The following ANO2 variants were observed in gnomAD, a reference collection of about 807,000 sequenced individuals.
ANO2 encodes anoctamin 2, also known as anoctamin-2.
ANO2 carries 101 observed loss-of-function variants against 124.2 expected under a neutral mutation model. That is an observed-to-expected ratio of 0.81 (90% CI 0.69 to 0.96). The LOEUF (loss-of-function observed/expected upper bound fraction) is 0.96. Ranked by LOEUF, ANO2 falls within the 40% of genes least tolerant of loss-of-function variation. ANO2 has a pLI of 0.00. For missense variants in ANO2, 1,293 were observed against 1,274.5 expected, an observed-to-expected ratio of 1.01 and a Z score of -0.22; for synonymous variants, 486 against 482.5, an observed-to-expected ratio of 1.01 and a Z score of -0.09.
At chr12:5,816,282 C>A (rs1164715982) in intron 7 of ANO2, among the ~76,000 whole-genome samples, 1 of 151,682 alleles carries the variant, frequency 6.6e-6, no homozygotes, top group African/African-American at 2.4e-5. Context: ...TGGCTCAGGC[C>A]TCCATATTAT....
chr12:5,838,007 G>A (rs564431074), intron 4 of ANO2, among the ~76,000 whole-genome samples: 98 of 152,080 alleles, frequency 6.4e-4, no homozygotes, highest in African/African-American at 2.3e-3. Context: ...TCAAATAGAC[G>A]CAATAAAAAA....
chr12:5,809,041 G>C (rs960669419), intron 7 of ANO2, among the ~76,000 whole-genome samples: 2 of 152,216 alleles, frequency 1.3e-5, no homozygotes, highest in Admixed American at 6.5e-5. Flanking sequence ...CAAAGGGCCA[G>C]TCCTTTCCTG....
chr12:5,599,465 C>A lies in ANO2; in HGVS notation c.2233+19G>T. ...GTCTGAACCTGCCCCCAGTGGAAGG[C>A]AGGACCATGGGTTCTCACTCATTTC... On this transcript the variant is annotated intron_variant, in intron 20 of 24. Transcript: ENST00000682330. 6.3e-7 allele frequency: 1 copy of A among 1,590,364 alleles called. No individual in the cohort carries two copies.
At chr12:5,727,458 G>A (rs1281368253) in intron 14 of ANO2, among the ~76,000 whole-genome samples, 1 of 149,982 alleles carries the variant, frequency 6.7e-6, no homozygotes, top group Admixed American at 6.7e-5. Context: ...GGTATTTATA[G>A]CAATGCAAGA....
intron 3 of ANO2, among the ~76,000 whole-genome samples, chr12:5,854,413 A>T (rs1955029738): frequency 4.6e-5 from 7 of 151,658 alleles, no homozygotes; most frequent in Admixed American, 4.6e-4. Context: ...AAAAAAAAAA[A>T]AAAAAAACAA....
chr12:5,646,321 G>T (rs1015024517), intron 15 of ANO2, among the ~76,000 whole-genome samples: 3 of 152,070 alleles, frequency 2.0e-5, no homozygotes, highest in African/African-American at 7.2e-5. Context: ...AGCCCTTCGA[G>T]GCTTTGAGAA....
chr12:5,872,873 G>C (rs1157384628), intron 3 of ANO2, among the ~76,000 whole-genome samples: 1 of 152,096 alleles, frequency 6.6e-6, no homozygotes, highest in Non-Finnish European at 1.5e-5. Context: ...CTGGTCCACA[G>C]AAAGGAAAAA....
intron 10 of ANO2, among the ~76,000 whole-genome samples, chr12:5,776,869 G>A (rs1241865012): frequency 6.6e-6 from 1 of 152,136 alleles, no homozygotes; most frequent in Non-Finnish European, 1.5e-5. Context: ...GACTCTGGAG[G>A]TGTATGGGGG....
chr12:5,839,485 A>G (rs1954439730), intron 4 of ANO2: 1 of 431,032 alleles, frequency 2.3e-6, no homozygotes, highest in African/African-American at 2.0e-5. Flanking sequence ...AACAAATTAT[A>G]AAAGAGAGAA....
rs113601843 is a variant in ANO2 at position 5,895,402 on chromosome 12, G to T, written c.534+25638C>A. On this transcript the variant is annotated intron_variant, in intron 3 of 24. Coordinates refer to ENST00000682330, the MANE Select transcript of ANO2 (RefSeq NM_001364791.2). ...AAGGAGATTTGGGGCTGAAACGATGGGGTTTTCTAAATATACAATCATGTC... is the reference window on the plus strand; with the variant it reads ...AAGGAGATTTGGGGCTGAAACGATGTGGTTTTCTAAATATACAATCATGTC... Among the ~76,000 whole-genome samples the T allele has an allele frequency of 8.8e-4, 134 of 152,118 alleles. 1 individual carries two copies. The highest frequency in any genetic ancestry group is 3.1e-3 in the African/African-American group (130 of 41,494).
At chr12:5,812,770 G>C (rs1408415633) in intron 7 of ANO2, among the ~76,000 whole-genome samples, 4 of 94,074 alleles carry the variant, frequency 4.3e-5, no homozygotes, top group Non-Finnish European at 6.9e-5. Flanking sequence ...GGGAAGGCAG[G>C]CAAGTGAAAG....
intron 23 of ANO2, among the ~76,000 whole-genome samples, chr12:5,571,929 G>A (rs1389961852): frequency 6.6e-6 from 1 of 152,096 alleles, no homozygotes; most frequent in Non-Finnish European, 1.5e-5. Flanking sequence ...GCAGCCCCCA[G>A]AGCACACCTA....
At chr12:5,922,589 T>TCCCCCCCC (rs113271594) in intron 2 of ANO2, 31 bp downstream of exon 2, 1 of 1,426,384 alleles carries the variant, frequency 7.0e-7, no homozygotes, top group African/African-American at 1.5e-5. Context: ...GGCTGGCCTA[T>TCCCCCCCC]CCCCCCACCC....
At chr12:5,831,641 C>G (rs1954157310) in intron 5 of ANO2, among the ~76,000 whole-genome samples, 1 of 152,158 alleles carries the variant, frequency 6.6e-6, no homozygotes, top group Non-Finnish European at 1.5e-5. Context: ...AATGAAACAG[C>G]ATATTCATGT....
intron 14 of ANO2, among the ~76,000 whole-genome samples, chr12:5,720,442 G>A (rs1461060219): frequency 5.3e-5 from 8 of 152,236 alleles, no homozygotes; most frequent in African/African-American, 1.9e-4. Flanking sequence ...GTGAAATAAC[G>A]ACCTTGGCCC....
At chr12:5,797,053 G>A (rs948160607) in intron 10 of ANO2, among the ~76,000 whole-genome samples, 3 of 152,222 alleles carry the variant, frequency 2.0e-5, no homozygotes, top group South Asian at 2.1e-4. Context: ...ATCACGTTCC[G>A]CCTGTGCCAG....
intron 10 of ANO2, among the ~76,000 whole-genome samples, chr12:5,766,771 C>T (rs1053000696): frequency 1.3e-5 from 2 of 152,214 alleles, no homozygotes; most frequent in African/African-American, 4.8e-5. Context: ...TGTCCCTCTG[C>T]TCTCAGGCCA....
intron 7 of ANO2, among the ~76,000 whole-genome samples, chr12:5,823,009 A>T (rs1319458150): frequency 6.6e-6 from 1 of 152,200 alleles, no homozygotes; most frequent in East Asian, 1.9e-4. Flanking sequence ...CATGGGAAAG[A>T]ACAGGCCCCA....
At chr12:5,842,492 G>A (rs1017734631) in intron 4 of ANO2, among the ~76,000 whole-genome samples, 11 of 152,110 alleles carry the variant, frequency 7.2e-5, no homozygotes, top group African/African-American at 2.7e-4. Flanking sequence ...CCCTCAGGGA[G>A]CACAGGATTC....
Sources: allele counts gnomAD v4.1 joint callset (sites outside exome capture counted in the v4.1 genomes callset), GRCh38; gene constraint gnomAD v4.1.1; transcripts MANE v1.5; gene names NCBI Gene and HGNC (gene_info 2026-07-23, HGNC 2026-07-21).